The following CIROZ variants were observed in gnomAD, a reference collection of about 807,000 sequenced individuals.
CIROZ encodes the protein ciliated left-right organizer protein containing ZP-N domains, also known as ciliated left-right organizer ZP-N domains-containing protein.
the CIROZ span, chr1:10,954,145 G>A: frequency 9.9e-6 from 16 of 1,610,894 alleles, no homozygotes; most frequent in Non-Finnish European, 1.4e-5. Context: ...TGGCATCGCT[G>A]TGGGGCCACA....
At chr1:10,949,624 T>C in the CIROZ span, 19 of 1,600,518 alleles carry the variant, frequency 1.2e-5, no homozygotes, top group Non-Finnish European at 1.6e-5. Context: ...ATAGACGTGC[T>C]TTGGCCAGTG....
the CIROZ span, chr1:10,957,176 AG>A: frequency 1.5e-6 from 2 of 1,292,380 alleles, no homozygotes; most frequent in Non-Finnish European, 1.1e-6. Context: ...CTCCCTCCAC[AG>A]GGGCCCCCTC....
chr1:10,981,446 A>G, the CIROZ span, among the ~76,000 whole-genome samples: 3 of 151,708 alleles, frequency 2.0e-5, no homozygotes, highest in African/African-American at 7.3e-5. Flanking sequence ...GCAAGACTCT[A>G]TCTCAGGAAG....
At chr1:10,951,203 G>A in the CIROZ span, among the ~76,000 whole-genome samples, 1 of 152,170 alleles carries the variant, frequency 6.6e-6, no homozygotes, top group African/African-American at 2.4e-5. Context: ...GGAGGCCAAG[G>A]CAGGAGGATC....
At chr1:10,977,842 G>A in the CIROZ span, among the ~76,000 whole-genome samples, 1 of 152,134 alleles carries the variant, frequency 6.6e-6, no homozygotes, top group Non-Finnish European at 1.5e-5. Flanking sequence ...GAAGACACCA[G>A]TAACCTTTAA....
chr1:10,956,903 A>C, the CIROZ span: 1 of 847,230 alleles, frequency 1.2e-6, no homozygotes, highest in Non-Finnish European at 1.8e-6. Context: ...CAAGGTTGGG[A>C]CTGAGGAGAG....
chr1:10,947,531 A>G, the CIROZ span: 1 of 745,152 alleles, frequency 1.3e-6, no homozygotes, highest in Non-Finnish European at 2.0e-6. Context: ...CTGGGCCAGA[A>G]GAGCACCGGG....
the CIROZ span, among the ~76,000 whole-genome samples, chr1:10,963,560 C>T: frequency 6.6e-6 from 1 of 151,936 alleles, no homozygotes; most frequent in African/African-American, 2.4e-5. Flanking sequence ...TCATGTTTAG[C>T]TTACAGAGGT....
At chr1:10,970,187 A>G in the CIROZ span, 7 of 1,147,848 alleles carry the variant, frequency 6.1e-6, no homozygotes, top group East Asian at 2.6e-5. Flanking sequence ...GAAAAGAAGG[A>G]GCTCCTCTCA....
the CIROZ span, among the ~76,000 whole-genome samples, chr1:10,968,491 G>C: frequency 6.6e-6 from 1 of 152,204 alleles, no homozygotes; most frequent in African/African-American, 2.4e-5. Flanking sequence ...AGAGATCAAG[G>C]CCGTGCCTCT....
chr1:10,951,553 A>G, the CIROZ span, among the ~76,000 whole-genome samples: 1 of 126,912 alleles, frequency 7.9e-6, no homozygotes, highest in African/African-American at 4.3e-5. Flanking sequence ...TCTCGGGGTA[A>G]AAAAAAAAAA....
chr1:10,948,677 A>G, the CIROZ span: 1 of 1,607,544 alleles, frequency 6.2e-7, no homozygotes, highest in East Asian at 2.2e-5. Context: ...CACCCTCTAC[A>G]GGCTCCGAGG....
chr1:10,953,227 G>A, the CIROZ span, among the ~76,000 whole-genome samples: 1 of 152,146 alleles, frequency 6.6e-6, no homozygotes, highest in African/African-American at 2.4e-5. Flanking sequence ...GGGCAAACTT[G>A]CACTATTAAC....
At chr1:10,954,868 C>T in the CIROZ span, 5 of 1,094,108 alleles carry the variant, frequency 4.6e-6, no homozygotes, top group Admixed American at 5.4e-5. Context: ...GCTGGGATTA[C>T]AGGCACGAGC....
chr1:10,962,446 CA>C, the CIROZ span, among the ~76,000 whole-genome samples: 3 of 151,882 alleles, frequency 2.0e-5, no homozygotes, highest in Non-Finnish European at 4.4e-5. Flanking sequence ...GACTGCATCT[CA>C]AAAAAATAAA....
the CIROZ span, among the ~76,000 whole-genome samples, chr1:10,963,696 G>A: frequency 6.6e-6 from 1 of 151,734 alleles, no homozygotes; most frequent in Non-Finnish European, 1.5e-5. Flanking sequence ...CATTGCACCT[G>A]ATCGTACCTG....
At chr1:10,978,126 G>A in the CIROZ span, among the ~76,000 whole-genome samples, 2 of 149,204 alleles carry the variant, frequency 1.3e-5, no homozygotes, top group Non-Finnish European at 3.0e-5. Flanking sequence ...CTGAGAGCGT[G>A]ACATTGTACC....
chr1:10,952,480 T>G, the CIROZ span, among the ~76,000 whole-genome samples: 2,891 of 152,254 alleles, frequency 0.019, 102 homozygotes, highest in African/African-American at 0.066. Context: ...ACATCTCTCC[T>G]GAGTTCACCT....
the CIROZ span, among the ~76,000 whole-genome samples, chr1:10,952,936 G>A: frequency 6.6e-6 from 1 of 152,190 alleles, no homozygotes; most frequent in African/African-American, 2.4e-5. Context: ...ACTGCTTATT[G>A]AATATCTGTT....
Sources: allele counts gnomAD v4.1 joint callset (sites outside exome capture counted in the v4.1 genomes callset), GRCh38; gene constraint gnomAD v4.1.1; transcripts MANE v1.5; gene names NCBI Gene and HGNC (gene_info 2026-07-23, HGNC 2026-07-21).